The following FNDC1 variants were observed in gnomAD, a reference collection of about 807,000 sequenced individuals.
The protein encoded by FNDC1 is fibronectin type III domain-containing protein 1.
Under a neutral mutation model 168.0 loss-of-function variants are expected in FNDC1, and 96 were observed. That is an observed-to-expected ratio of 0.57 (90% CI 0.48 to 0.68). The LOEUF is 0.68. Ranked by LOEUF, FNDC1 falls within the 30% of genes least tolerant of loss-of-function variation. The probability of loss-of-function intolerance (pLI) is 0.00; values close to 1 mark genes in which losing one functional copy is unlikely to be tolerated. For synonymous variants in FNDC1, 1,099 were observed against 1,025.9 expected (o/e 1.07, Z -1.36); for missense variants, 2,587 against 2,482.1 (o/e 1.04, Z -0.90).
chr6:159,176,969 C>T (rs1311564291), intron 1 of FNDC1, among the ~76,000 whole-genome samples: 3 of 152,120 alleles, frequency 2.0e-5, no homozygotes, highest in Non-Finnish European at 4.4e-5. Flanking sequence ...TGAAATGGCT[C>T]GTATGTTCCA....
chr6:159,233,808 G>A lies in FNDC1; in HGVS notation c.3296G>A (p.Arg1099His), dbSNP rs1226348620. Residue 1099 changes from arginine to histidine, a missense_variant, in exon 11 of 23, where the codon CGC becomes CAC. Physicochemically the swap from Arg to His is conservative, Grantham distance 29 (BLOSUM62 0). Coordinates refer to ENST00000297267, the MANE Select transcript of FNDC1 (RefSeq NM_032532.3). The surrounding 1 kb of genome is among the most constrained non-coding windows in gnomAD (Gnocchi z 4.6). ...GTGCGGGCCCCCGCGCACGCCGCGC[G>A]CGCCAAGGAGGCAGCTGCGTCCCTT... ...QDVRAPAHAA[R>H]AKEAAASLPK... 5 of 1,537,638 alleles carry A rather than the reference G, an allele frequency of 3.3e-6. No individual in the cohort carries two copies. In the South Asian group the frequency reaches 4.9e-5, roughly 15 times the overall value.
intron 21 of FNDC1, 43 bp from the exon 22 acceptor site, chr6:159,267,761 C>G: frequency 1.2e-6 from 2 of 1,609,472 alleles, no homozygotes; most frequent in Non-Finnish European, 8.5e-7. Context: ...CCAGTTGTGA[C>G]TTTCTGTACC....
intron 1 of FNDC1, among the ~76,000 whole-genome samples, chr6:159,177,896 G>C (rs967542399): frequency 2.6e-5 from 4 of 152,046 alleles, no homozygotes; most frequent in African/African-American, 9.7e-5. Flanking sequence ...AAAGGTCGGT[G>C]GTTTGGACTT....
intron 1 of FNDC1, among the ~76,000 whole-genome samples, chr6:159,180,464 T>A (rs1781856065): frequency 6.6e-6 from 1 of 152,228 alleles, no homozygotes; most frequent in Admixed American, 6.5e-5. Context: ...TTTCTTTTTT[T>A]AATTTTTAAT....
chr6:159,245,379 C>T (rs1376290511), intron 14 of FNDC1, among the ~76,000 whole-genome samples: 1 of 152,208 alleles, frequency 6.6e-6, no homozygotes, highest in African/African-American at 2.4e-5. Context: ...CTAGTCACTT[C>T]TTCCTGTTTT....
At chr6:159,182,767 A>T (rs1018007205) in intron 1 of FNDC1, among the ~76,000 whole-genome samples, 4 of 152,236 alleles carry the variant, frequency 2.6e-5, no homozygotes, top group Non-Finnish European at 5.9e-5. Context: ...AGGTAGGGAA[A>T]TGTGTTGGAA....
At chr6:159,225,497 A>G in intron 7 of FNDC1, 38 bp from the exon 8 acceptor site, 1 of 1,505,540 alleles carries the variant, frequency 6.6e-7, no homozygotes, top group Non-Finnish European at 9.0e-7. Flanking sequence ...TGAGTGGCAG[A>G]GAATTTGGAC....
chr6:159,226,330 G>T (rs1782954449), intron 8 of FNDC1, 143 bp from the exon 9 acceptor site: 2 of 618,836 alleles, frequency 3.2e-6, no homozygotes, highest in Non-Finnish European at 5.6e-6. Context: ...AAGAACCAGT[G>T]TGGAATTTTC....
At chr6:159,215,973 T>A (rs1782701984) in intron 5 of FNDC1, among the ~76,000 whole-genome samples, 2 of 152,156 alleles carry the variant, frequency 1.3e-5, no homozygotes, top group Non-Finnish European at 2.9e-5. Flanking sequence ...TGTATCTTTT[T>A]TTTTTTGAGA....
chr6:159,262,090 G>A (rs906937713), intron 19 of FNDC1, among the ~76,000 whole-genome samples: 21 of 152,196 alleles, frequency 1.4e-4, no homozygotes, highest in Admixed American at 1.3e-3. Context: ...TTGGGTAACA[G>A]AGTGAGACCT....
chr6:159,232,933 G>C lies in FNDC1; in HGVS notation c.2421G>C (p.Thr807=). ...GGRQAEATAQ[T]LRARPASGHF... Reference sequence around the variant, plus strand: ...GGCAGGCGGAGGCCACGGCCCAGACGCTGCGGGCCCGGCCTGCCTCTGGAC... The same window carrying C: ...GGCAGGCGGAGGCCACGGCCCAGACCCTGCGGGCCCGGCCTGCCTCTGGAC... Residue 807 remains threonine, a synonymous_variant, in exon 11 of 23, where the codon ACG becomes ACC. Transcript: ENST00000297267. This position sits in a 1 kb window ranked among gnomAD's most constrained non-coding sequence, Gnocchi z 4.9. 1 of 1,610,506 alleles carries C rather than the reference G, an allele frequency of 6.2e-7. No homozygotes were observed. Among genetic ancestry groups the C allele is most frequent in the South Asian group, 1.1e-5 (1 of 90,836 alleles).
At chr6:159,199,316 G>T (rs1374672677) in intron 2 of FNDC1, among the ~76,000 whole-genome samples, 1 of 152,118 alleles carries the variant, frequency 6.6e-6, no homozygotes, top group Non-Finnish European at 1.5e-5. Flanking sequence ...CAGCCCAAGA[G>T]ACCTCTGCTA....
At position 159,221,864 on chromosome 6, in the gene FNDC1, C is replaced by G. The variant is rs137903110; in HGVS notation, c.766+168C>G. Among the ~76,000 whole-genome samples the G allele has an allele frequency of 3.6e-3, 555 of 152,310 alleles. 1 individual carries two copies. The highest frequency in any genetic ancestry group is 5.3e-3 in the Non-Finnish European group (360 of 68,036). ...GGTGTAAGCGTGCTGCTTTTATATG[C>G]AAAGGCTAGAGTGCTCTTGTGATGG... On this transcript the variant is annotated intron_variant, in intron 6 of 22. Transcript: ENST00000297267.
chr6:159,236,381 A>G (rs1345992348), intron 12 of FNDC1, 66 bp downstream of exon 12: 6 of 1,049,906 alleles, frequency 5.7e-6, no homozygotes, highest in Non-Finnish European at 8.8e-6. Context: ...AATGGTGGAC[A>G]TTGTGTAATG....
intron 7 of FNDC1, 64 bp downstream of exon 7, chr6:159,223,709 C>T: frequency 3.2e-6 from 3 of 935,856 alleles, no homozygotes; most frequent in Non-Finnish European, 3.3e-6. Context: ...CCTGAAAAGA[C>T]ATGTATTTAA....
chr6:159,244,560 TA>T (rs1449598097), intron 14 of FNDC1, among the ~76,000 whole-genome samples: 7 of 152,232 alleles, frequency 4.6e-5, no homozygotes, highest in African/African-American at 1.7e-4. Flanking sequence ...TACAATGTAA[TA>T]TTCATGTCAT....
In FNDC1 at chr6:159,169,739, A is replaced by C; in HGVS notation, c.109+34A>C. On this transcript the variant is annotated intron_variant, in intron 1 of 22. Transcript: ENST00000297267. This position sits in a 1 kb window ranked among gnomAD's most constrained non-coding sequence, Gnocchi z 6.8. ...CGCGCCCGGGCCCCCGGCGCTCCTCAGCTCCCCGCGCACCCTCCTGCGCTC... is the reference window on the plus strand; with the variant it reads ...CGCGCCCGGGCCCCCGGCGCTCCTCCGCTCCCCGCGCACCCTCCTGCGCTC... 1 of 903,428 alleles carries C rather than the reference A, an allele frequency of 1.1e-6. No homozygotes were observed. Among genetic ancestry groups the C allele is most frequent in the East Asian group, 4.6e-5 (1 of 21,884 alleles). 56.0% of individuals were successfully genotyped at this position (903,428 alleles called of 1,614,324 possible).
intron 14 of FNDC1, chr6:159,241,139 T>C (rs139764037): frequency 6.6e-6 from 1 of 152,370 alleles, no homozygotes; most frequent in African/African-American, 2.4e-5. Context: ...AGAAAATTTC[T>C]ACTCTGTCCA....
chr6:159,238,160 C>T (rs1042198241), intron 12 of FNDC1, among the ~76,000 whole-genome samples: 8 of 149,382 alleles, frequency 5.4e-5, no homozygotes, highest in Non-Finnish European at 1.2e-4. Flanking sequence ...TGCAGTGGCG[C>T]GATCTCGGCT....
Sources: allele counts gnomAD v4.1 joint callset (sites outside exome capture counted in the v4.1 genomes callset), GRCh38; gene constraint gnomAD v4.1.1; non-coding constraint Gnocchi (gnomAD v3.1); transcripts MANE v1.5; gene names NCBI Gene and HGNC (gene_info 2026-07-23, HGNC 2026-07-21).